UBN2: variants seen among roughly 807,000 people sequenced by gnomAD.
UBN2 encodes the protein ubinuclein-2.
In UBN2, 35 loss-of-function variants were observed where a neutral mutation model predicts 120.2. The ratio of observed to expected loss-of-function variants is 0.29; its 90% CI spans 0.22 to 0.39. The LOEUF is 0.39. UBN2 is among the 10% of genes least tolerant of loss of function. UBN2 has a pLI of 1.00. For missense variants in UBN2, 1,693 were observed against 1,663.2 expected, an observed-to-expected ratio of 1.02 and a Z score of -0.31; for synonymous variants, 661 against 648.7, an observed-to-expected ratio of 1.02 and a Z score of -0.29.
At chr7:139,274,163 GAT>G in intron 11 of UBN2, 89 bp downstream of exon 11, 10 of 1,314,706 alleles carry the variant, frequency 7.6e-6, no homozygotes, top group Non-Finnish European at 1.0e-5. Context: ...ATGTGACATT[GAT>G]TTTGCTAAGA....
intron 1 of UBN2, among the ~76,000 whole-genome samples, chr7:139,235,009 C>T (rs1357516787): frequency 1.3e-5 from 2 of 151,816 alleles, no homozygotes; most frequent in Admixed American, 1.3e-4. Flanking sequence ...GGTGTTTATT[C>T]TTAACTGTGA....
In UBN2 at chr7:139,299,225, A is replaced by G. The variant is rs1291980139; in HGVS notation, c.*1389A>G. 1 of 152,152 alleles carries G rather than the reference A, an allele frequency of 6.6e-6. No homozygotes were observed. Among genetic ancestry groups the G allele is most frequent in the African/African-American group, 2.4e-5 (1 of 41,446 alleles). 9.4% of individuals were successfully genotyped at this position (152,152 alleles called of 1,614,324 possible). A position where few individuals can be genotyped will look rare whatever the true frequency, so the allele number is the denominator to read the frequency against. ...TTATTCTAGTTTTTTAAGCTTCTGA[A>G]TATTTTCATACTATATCAGAGAATG... On this transcript the variant is annotated 3_prime_UTR_variant, in exon 18 of 18. Coordinates refer to ENST00000473989, the MANE Select transcript of UBN2 (RefSeq NM_173569.4).
intron 2 of UBN2, among the ~76,000 whole-genome samples, chr7:139,239,854 C>G (rs1227043316): frequency 6.6e-6 from 1 of 152,134 alleles, no homozygotes; most frequent in Admixed American, 6.5e-5. Context: ...CTGCGCCCAG[C>G]CTAGAGTGTC....
intron 17 of UBN2, 125 bp downstream of exon 17, chr7:139,294,106 ATCCTCAT>A (rs1249393944): frequency 4.7e-6 from 4 of 859,838 alleles, no homozygotes; most frequent in Non-Finnish European, 7.4e-6. Flanking sequence ...CATAGACTGA[ATCCTCAT>A]TCCTCATTAG....
In UBN2 at chr7:139,299,976, A is replaced by G. The variant is rs917696434; in HGVS notation, c.*2140A>G. The G allele has an allele frequency of 1.3e-5, 2 of 152,140 alleles. No individual in the cohort carries two copies. The highest frequency in any genetic ancestry group is 6.5e-5 in the Admixed American group (1 of 15,272). The allele number at this position is 152,140 out of a possible 1,614,324, so 9.4% of individuals were successfully genotyped here. A position where few individuals can be genotyped will look rare whatever the true frequency, so the allele number is the denominator to read the frequency against. On this transcript the variant is annotated 3_prime_UTR_variant, in exon 18 of 18. Coordinates refer to ENST00000473989, the MANE Select transcript of UBN2 (RefSeq NM_173569.4). ...AATACTTGTATATATGTTTGTCTGT[A>G]TGTATATATACATACACACATACAT... is the stretch of plus-strand genomic sequence containing the variant.
the UBN2 span, among the ~76,000 whole-genome samples, chr7:139,329,122 T>C: frequency 6.6e-6 from 1 of 151,814 alleles, no homozygotes; most frequent in East Asian, 1.9e-4. Flanking sequence ...AGGACAGAAA[T>C]TCGTGTGAAA....
At chr7:139,261,059 A>G (rs1269762488) in intron 5 of UBN2, among the ~76,000 whole-genome samples, 193 bp from the exon 6 acceptor site, 1 of 152,166 alleles carries the variant, frequency 6.6e-6, no homozygotes, top group Non-Finnish European at 1.5e-5. Flanking sequence ...CCATTTACCT[A>G]TTTGCCTTTC....
chr7:139,240,448 A>AT (rs1185592679), intron 2 of UBN2, among the ~76,000 whole-genome samples: 78 of 35,556 alleles, frequency 2.2e-3, no homozygotes, highest in South Asian at 7.8e-3. Context: ...ATATATATAT[A>AT]TATATATTTT....
the UBN2 span, among the ~76,000 whole-genome samples, chr7:139,320,101 C>T: frequency 6.6e-6 from 1 of 151,430 alleles, no homozygotes; most frequent in Non-Finnish European, 1.5e-5. Context: ...AGAAATTTCA[C>T]CCAACACTCA....
At chr7:139,283,003 C>T (rs1392139535) in intron 14 of UBN2, 21 bp from the exon 15 acceptor site, 5 of 1,458,208 alleles carry the variant, frequency 3.4e-6, no homozygotes, top group African/African-American at 1.4e-5. Context: ...CTATTTTTTT[C>T]CATATGATGC....
intron 5 of UBN2, among the ~76,000 whole-genome samples, chr7:139,260,151 T>G (rs1484014359): frequency 6.6e-6 from 1 of 151,728 alleles, no homozygotes; most frequent in Non-Finnish European, 1.5e-5. Flanking sequence ...CAGGCTGGAG[T>G]GCACTGGCAC....
At chr7:139,258,326 A>G (rs1796824289) in intron 3 of UBN2, among the ~76,000 whole-genome samples, 162 bp from the exon 4 acceptor site, 1 of 152,042 alleles carries the variant, frequency 6.6e-6, no homozygotes, top group South Asian at 2.1e-4. Context: ...TTTTTATTTC[A>G]GATAGTAACC....
intron 17 of UBN2, 109 bp downstream of exon 17, chr7:139,294,090 A>G: frequency 2.8e-6 from 3 of 1,074,372 alleles, no homozygotes; most frequent in African/African-American, 1.6e-5. Context: ...GGAAAATGCA[A>G]ATTTTCATAG....
intron 3 of UBN2, among the ~76,000 whole-genome samples, chr7:139,256,734 C>A (rs1397620120): frequency 6.6e-6 from 1 of 152,126 alleles, no homozygotes; most frequent in Non-Finnish European, 1.5e-5. Flanking sequence ...GGTACTGCCC[C>A]TTTTCTGTAA....
intron 2 of UBN2, among the ~76,000 whole-genome samples, chr7:139,251,400 C>T (rs1009690757): frequency 1.3e-5 from 2 of 152,168 alleles, no homozygotes; most frequent in Non-Finnish European, 2.9e-5. Context: ...TACTAGTTTT[C>T]TCCTAGTGTC....
chr7:139,324,828 C>A, the UBN2 span, among the ~76,000 whole-genome samples: 2 of 151,236 alleles, frequency 1.3e-5, no homozygotes, highest in South Asian at 4.2e-4. Flanking sequence ...AAAATTAGCC[C>A]GGTGCAGTGG....
At chr7:139,272,494 T>TTATG (rs142378700) in intron 9 of UBN2, 54 bp downstream of exon 9, 26,304 of 1,104,592 alleles carry the variant, frequency 0.024, 809 homozygotes, top group African/African-American at 0.13. Flanking sequence ...TGTATGTACG[T>TTATG]TATGTATGTA....
intron 15 of UBN2, among the ~76,000 whole-genome samples, chr7:139,288,719 T>TG (rs1462338763): frequency 1.3e-5 from 2 of 151,952 alleles, no homozygotes; most frequent in African/African-American, 4.8e-5. Context: ...AAAATTTAAT[T>TG]GCGGCCGGTC....
intron 13 of UBN2, among the ~76,000 whole-genome samples, chr7:139,279,842 G>A (rs758754136): frequency 6.6e-6 from 1 of 152,170 alleles, no homozygotes; most frequent in Non-Finnish European, 1.5e-5. Flanking sequence ...GATGAAATCT[G>A]TGTAAAGCTG....
Sources: allele counts gnomAD v4.1 joint callset (sites outside exome capture counted in the v4.1 genomes callset), GRCh38; gene constraint gnomAD v4.1.1; transcripts MANE v1.5; gene names NCBI Gene and HGNC (gene_info 2026-07-23, HGNC 2026-07-21).